LIPA: variants seen among roughly 807,000 people sequenced by gnomAD.
LIPA encodes lysosomal acid lipase/cholesteryl ester hydrolase.
In LIPA, 26 loss-of-function variants were observed where a neutral mutation model predicts 40.6. That is an observed-to-expected ratio of 0.64 (90% CI 0.47 to 0.89). The LOEUF (loss-of-function observed/expected upper bound fraction) is 0.89, where lower values mean the gene tolerates loss of function less well. Among genes scored for constraint, LIPA ranks in the 40% least tolerant of loss-of-function variants. The pLI is 0.00. For synonymous variants in LIPA, 188 were observed against 168.4 expected, an observed-to-expected ratio of 1.12 and a Z score of -0.90; for missense variants, 455 against 479.6, an observed-to-expected ratio of 0.95 and a Z score of 0.48.
chr10:89,320,583 G>T (rs1589600025), intron 1 of LIPA, among the ~76,000 whole-genome samples: 1 of 152,186 alleles, frequency 6.6e-6, no homozygotes, highest in Non-Finnish European at 1.5e-5. Flanking sequence ...ACAAACAAAT[G>T]GAAGAACATT....
intron 2 of LIPA, chr10:89,402,279 A>G (rs1844437320): frequency 6.4e-7 from 1 of 1,572,096 alleles, no homozygotes; most frequent in African/African-American, 1.4e-5. Flanking sequence ...TTGTTTTTAC[A>G]GTACAAATGG....
At chr10:89,403,410 G>C (rs747959584) in intron 2 of LIPA, 1 of 1,613,888 alleles carries the variant, frequency 6.2e-7, no homozygotes, top group Non-Finnish European at 8.5e-7. Context: ...AACAATGCAA[G>C]ACATACATTT....
At chr10:89,392,355 A>G (rs566145658) in intron 2 of LIPA, among the ~76,000 whole-genome samples, 14 of 152,180 alleles carry the variant, frequency 9.2e-5, no homozygotes, top group African/African-American at 3.4e-4. Context: ...TTTAGGGAGG[A>G]CGTGAATCTC....
At chr10:89,281,494 C>T (rs1843316110) in intron 1 of LIPA, among the ~76,000 whole-genome samples, 1 of 152,136 alleles carries the variant, frequency 6.6e-6, no homozygotes, top group South Asian at 2.1e-4. Flanking sequence ...TTAACAGGTG[C>T]CCACTGCAAA....
intron 1 of LIPA, among the ~76,000 whole-genome samples, chr10:89,327,247 A>G (rs1305783270): frequency 2.0e-5 from 3 of 152,188 alleles, no homozygotes; most frequent in Admixed American, 2.0e-4. Flanking sequence ...GTTTCTTAAT[A>G]CACTTAAAAA....
chr10:89,281,879 A>C (rs1843318089), intron 1 of LIPA, among the ~76,000 whole-genome samples: 1 of 152,220 alleles, frequency 6.6e-6, no homozygotes, highest in African/African-American at 2.4e-5. Context: ...AACTATACAT[A>C]CTATCCCTAC....
At chr10:89,255,815 C>T (rs1843177948), upstream of LIPA, among the ~76,000 whole-genome samples, 1 of 152,306 alleles carries the variant, frequency 6.6e-6, no homozygotes, top group Admixed American at 6.5e-5. Context: ...TGTGTCAACT[C>T]AGGCCATGTC....
At chr10:89,354,250 C>T (rs1366331209) in intron 2 of LIPA, among the ~76,000 whole-genome samples, 1 of 152,202 alleles carries the variant, frequency 6.6e-6, no homozygotes, top group Non-Finnish European at 1.5e-5. Context: ...CGCCTATCAC[C>T]TGGAAGCTCC....
chr10:89,409,471 A>C (rs1841454160), intron 2 of LIPA, among the ~76,000 whole-genome samples: 1 of 152,218 alleles, frequency 6.6e-6, no homozygotes, highest in African/African-American at 2.4e-5. Context: ...CACTATGCCA[A>C]AGCAATCACT....
intron 2 of LIPA, among the ~76,000 whole-genome samples, chr10:89,375,247 C>T (rs1424744863): frequency 2.0e-5 from 3 of 152,152 alleles, no homozygotes; most frequent in Non-Finnish European, 4.4e-5. Context: ...ACCAACTATC[C>T]CAAGATCACA....
In LIPA at chr10:89,373,109, G is replaced by A. The variant is rs546469085; in HGVS notation, c.61+39682C>T. ...AGCACTTTGGGAGGCAGAGGCGGGC[G>A]GATCATGAGGTCAGGAGATCGAGAC... On this transcript the variant is annotated intron_variant, in intron 2 of 8. Transcript: ENST00000371837. Among the ~76,000 whole-genome samples the A allele has an allele frequency of 2.6e-5, 4 of 152,082 alleles. No homozygotes were observed. The South Asian group carries it at 8.3e-4, about 32-fold the overall frequency.
At chr10:89,370,788 A>C (rs1183165380) in intron 2 of LIPA, among the ~76,000 whole-genome samples, 1 of 152,140 alleles carries the variant, frequency 6.6e-6, no homozygotes. Flanking sequence ...AGGCTGAGGC[A>C]GGCAGGTCAC....
intron 1 of LIPA, chr10:89,278,113 C>T (rs1185600526): frequency 2.0e-5 from 3 of 152,134 alleles, no homozygotes; most frequent in Non-Finnish European, 4.4e-5. Flanking sequence ...CCTGGTGGGA[C>T]CAGCAAGAGG....
chr10:89,253,286 G>C (rs1843156988), upstream of LIPA, among the ~76,000 whole-genome samples: 1 of 152,198 alleles, frequency 6.6e-6, no homozygotes, highest in Non-Finnish European at 1.5e-5. Context: ...AAGGAAAAAG[G>C]TTTAACTGAC....
intron 1 of LIPA, among the ~76,000 whole-genome samples, chr10:89,250,443 G>A (rs1374191746): frequency 6.6e-6 from 1 of 152,126 alleles, no homozygotes; most frequent in African/African-American, 2.4e-5. Flanking sequence ...CCTTCAGTGT[G>A]CATTGGCAAA....
intron 2 of LIPA, among the ~76,000 whole-genome samples, chr10:89,380,105 T>C (rs1240564120): frequency 2.6e-5 from 4 of 152,070 alleles, no homozygotes; most frequent in Non-Finnish European, 5.9e-5. Context: ...AAGCCTTTCA[T>C]TCCCTGCTGC....
intron 1 of LIPA, among the ~76,000 whole-genome samples, chr10:89,316,847 C>T (rs1354438051): frequency 6.6e-6 from 1 of 152,220 alleles, no homozygotes; most frequent in Non-Finnish European, 1.5e-5. Flanking sequence ...ACTGACACCT[C>T]ATACGGCAGA....
chr10:89,320,301 T>C (rs1023917103), intron 1 of LIPA, among the ~76,000 whole-genome samples: 1 of 152,210 alleles, frequency 6.6e-6, no homozygotes, highest in Non-Finnish European at 1.5e-5. Context: ...GATGACATGA[T>C]TGTATATTTA....
At chr10:89,411,804 C>A (rs1841471032) in intron 2 of LIPA, among the ~76,000 whole-genome samples, 1 of 152,206 alleles carries the variant, frequency 6.6e-6, no homozygotes, top group Admixed American at 6.5e-5. Flanking sequence ...CCGGTGTTTA[C>A]AGGAAAAGGC....
Sources: gnomAD v4.1 joint callset for allele counts (sites outside exome capture counted in the v4.1 genomes callset) on GRCh38, gnomAD v4.1.1 for gene constraint, MANE v1.5 for transcripts, NCBI Gene and HGNC (gene_info 2026-07-23, HGNC 2026-07-21) for gene names.